The following ASCC3 variants were observed in gnomAD, a reference collection of about 807,000 sequenced individuals.
The protein encoded by ASCC3 is activating signal cointegrator 1 complex subunit 3, also known as ASC-1 complex subunit P200.
ASCC3 carries 158 observed loss-of-function variants against 256.3 expected under a neutral mutation model. The observed-to-expected ratio is 0.62, with a 90% CI of 0.54 to 0.70. The LOEUF (loss-of-function observed/expected upper bound fraction) is 0.70, where lower values mean the gene tolerates loss of function less well. ASCC3 is among the 30% of genes least tolerant of loss of function. The pLI, the probability that ASCC3 is intolerant of heterozygous loss-of-function variation, is 0.00. For missense variants in ASCC3, 2,259 were observed against 2,626.0 expected, an observed-to-expected ratio of 0.86 and a Z score of 3.05; for synonymous variants, 948 against 883.4, an observed-to-expected ratio of 1.07 and a Z score of -1.30.
intron 30 of ASCC3, among the ~76,000 whole-genome samples, chr6:100,620,400 A>G (rs961471195): frequency 6.6e-6 from 1 of 152,142 alleles, no homozygotes; most frequent in Non-Finnish European, 1.5e-5. Context: ...GATACACTTG[A>G]AGGTGTCTTT....
At position 100,530,498 on chromosome 6, in the gene ASCC3, T is replaced by A. The variant is rs574226843; in HGVS notation, c.5775+9665A>T. 2.0e-3 allele frequency: 1,588 copies of A among 789,174 alleles called. 26 individuals are homozygous for A. In the South Asian group the frequency reaches 0.021, roughly 10 times the overall value. The allele number at this position is 789,174 out of a possible 1,614,324, so 48.9% of individuals were successfully genotyped here. On this transcript the variant is annotated intron_variant, in intron 37 of 41. Transcript: ENST00000369162. The stretch of plus-strand genomic sequence containing the variant: ...AACAACTGTACAATAGAGACAAAGA[T>A]CCTCAAAATGAGAATAAAATTGGAA...
At chr6:100,595,442 G>C (rs560862962) in intron 34 of ASCC3, among the ~76,000 whole-genome samples, 31 of 152,220 alleles carry the variant, frequency 2.0e-4, no homozygotes, top group African/African-American at 7.5e-4. Context: ...CTATAGCTAA[G>C]TAAAATATAT....
Position 100,642,653 on chromosome 6 carries a change from A to G in ASCC3, c.3829T>C (p.Leu1277=). ...YYIRAVSDRW[L]GAEAVCIINF... ...ATAATACATACTGCCTCAGCACCCA[A>G]CCATCTATCAGACACTGCTCGGATG... is the stretch of plus-strand genomic sequence containing the variant. Residue 1277 remains leucine (L), a synonymous_variant, in exon 24 of 42, where the codon TTG becomes CTG. Transcript: ENST00000369162. The G allele has an allele frequency of 6.2e-7, 1 of 1,613,994 alleles. No homozygotes were observed. The highest frequency in any genetic ancestry group is 8.5e-7 in the Non-Finnish European group (1 of 1,179,892).
intron 4 of ASCC3, among the ~76,000 whole-genome samples, chr6:100,819,999 A>T (rs1415976398): frequency 6.6e-6 from 1 of 152,228 alleles, no homozygotes; most frequent in Non-Finnish European, 1.5e-5. Flanking sequence ...AGATCTACAT[A>T]AATGGAAAAA....
In ASCC3 at chr6:100,865,053, A is replaced by G. The variant is rs1280456088; in HGVS notation, c.91-839T>C. Among the ~76,000 whole-genome samples, 3 of 152,194 alleles carry G rather than the reference A, an allele frequency of 2.0e-5. No homozygotes were observed. The South Asian group carries it at 6.2e-4, about 32-fold the overall frequency. ...GAATGATGAAAATACATAATTCACCATTACTTCCCTGCCTCCATTTTTTAA... is the reference window on the plus strand; with the variant it reads ...GAATGATGAAAATACATAATTCACCGTTACTTCCCTGCCTCCATTTTTTAA... On this transcript the variant is annotated intron_variant, in intron 2 of 41. Transcript: ENST00000369162.
chr6:100,542,921 G>C (rs1562106602), intron 36 of ASCC3, among the ~76,000 whole-genome samples: 1 of 151,934 alleles, frequency 6.6e-6, no homozygotes, highest in African/African-American at 2.4e-5. Context: ...GGATAAATAT[G>C]TAATAATTTG....
At chr6:100,793,654 T>C (rs1367916955) in intron 8 of ASCC3, among the ~76,000 whole-genome samples, 1 of 152,008 alleles carries the variant, frequency 6.6e-6, no homozygotes, top group African/African-American at 2.4e-5. Context: ...AAAAATTAAA[T>C]TTCTAATTTA....
intron 10 of ASCC3, among the ~76,000 whole-genome samples, chr6:100,743,644 A>C (rs1320874544): frequency 2.6e-5 from 4 of 152,190 alleles, no homozygotes; most frequent in African/African-American, 9.7e-5. Context: ...TAATTTATTA[A>C]CATTCTTAAA....
intron 13 of ASCC3, among the ~76,000 whole-genome samples, chr6:100,697,439 T>C (rs1778148042): frequency 1.3e-5 from 2 of 151,864 alleles, no homozygotes. Flanking sequence ...ATAATGCTAA[T>C]ACATAATAGA....
rs142403560 is a variant in ASCC3, at chr6:100,800,503, G to A, written c.924C>T (p.Asp308=). Reference sequence around the variant, plus strand: ...TTTCTCCTAAAATTTTTTTACAATTGTCTAAGAAGCAAATTTAAGAAACAC... The same window carrying A: ...TTTCTCCTAAAATTTTTTTACAATTATCTAAGAAGCAAATTTAAGAAACAC... ...SNDHRFQALQ[D]NCKKILGENA... is the part of the protein sequence containing the mutation. Residue 308 remains aspartate (D), a splice_region_variant and synonymous_variant, in exon 6 of 42, where the codon GAC becomes GAT. Coordinates refer to ENST00000369162, the MANE Select transcript of ASCC3 (RefSeq NM_006828.4). 19 of 1,596,942 alleles carry A rather than the reference G, an allele frequency of 1.2e-5. No homozygotes were observed. The African/African-American group carries it at 1.9e-4, about 16-fold the overall frequency.
intron 8 of ASCC3, among the ~76,000 whole-genome samples, chr6:100,790,797 T>A (rs1769315534): frequency 6.6e-6 from 1 of 151,952 alleles, no homozygotes; most frequent in Admixed American, 6.6e-5. Context: ...TTACTCCTAG[T>A]TAGAGGCAGA....
At chr6:100,793,076 C>T (rs1160533787) in intron 8 of ASCC3, among the ~76,000 whole-genome samples, 1 of 151,920 alleles carries the variant, frequency 6.6e-6, no homozygotes, top group Admixed American at 6.6e-5. Flanking sequence ...AAAAGCCTGG[C>T]AACATAGTCA....
chr6:100,515,668 A>G (rs1422836147), intron 39 of ASCC3, among the ~76,000 whole-genome samples: 1 of 152,174 alleles, frequency 6.6e-6, no homozygotes, highest in Non-Finnish European at 1.5e-5. Flanking sequence ...ATTTGAAAGG[A>G]TACTTTTGAA....
intron 10 of ASCC3, among the ~76,000 whole-genome samples, chr6:100,728,412 T>C (rs9404014): frequency 0.94 from 142,780 of 151,974 alleles, 67,383 homozygotes; most frequent in South Asian, 0.99. Flanking sequence ...ACTTATACAA[T>C]CACTTTGAAA....
chr6:100,784,737 T>A (rs1782611372), intron 8 of ASCC3, among the ~76,000 whole-genome samples: 1 of 151,730 alleles, frequency 6.6e-6, no homozygotes, highest in Non-Finnish European at 1.5e-5. Context: ...ATATTATAAA[T>A]GTAGATGTTA....
chr6:100,714,526 G>A (rs1410987929), intron 13 of ASCC3, among the ~76,000 whole-genome samples: 1 of 152,056 alleles, frequency 6.6e-6, no homozygotes, highest in Non-Finnish European at 1.5e-5. Context: ...TTCCTCATCT[G>A]TCAAGTGAAG....
chr6:100,850,806 T>C (rs1772627350), intron 3 of ASCC3, among the ~76,000 whole-genome samples: 1 of 152,186 alleles, frequency 6.6e-6, no homozygotes, highest in Admixed American at 6.5e-5. Context: ...ATAGCATTTA[T>C]ATACATTTAT....
Position 100,767,173 on chromosome 6 carries a change from T to A in ASCC3, c.1568A>T (p.Gln523Leu), listed in dbSNP as rs137973820. 1 of 1,614,036 alleles carries A rather than the reference T, an allele frequency of 6.2e-7. No homozygotes were observed. The highest frequency in any genetic ancestry group is 8.5e-7 in the Non-Finnish European group (1 of 1,180,024). The change falls in exon 9 of 42, where the codon CAA becomes CTA. Residue 523 changes from glutamine (Q) to leucine (L), a missense_variant. Around this residue, in one of 2 missense-constraint regions of ASCC3, gnomAD observed 1,839 missense variants for 2,206.7 expected, o/e 0.83. Transcript: ENST00000369162. ...AAATTCATTCTTTTTGATAACACCT[T>A]GTTGAAAATGTTGGCGAATTTCATG... ...VLHEIRQHFQQGVIKKNEFKI... is the reference protein window; with the variant it reads ...VLHEIRQHFQLGVIKKNEFKI...
intron 37 of ASCC3, among the ~76,000 whole-genome samples, chr6:100,522,322 G>A (rs912548614): frequency 2.0e-5 from 3 of 152,106 alleles, no homozygotes; most frequent in Admixed American, 6.6e-5. Context: ...GTGATTTCAA[G>A]CACTGTATCC....
Sources: allele counts gnomAD v4.1 joint callset (sites outside exome capture counted in the v4.1 genomes callset), GRCh38; gene constraint gnomAD v4.1.1; regional missense constraint gnomAD v4.1.1; transcripts MANE v1.5; gene names NCBI Gene and HGNC (gene_info 2026-07-23, HGNC 2026-07-21).